The following SPOCK3 variants were observed in gnomAD, a reference collection of about 807,000 sequenced individuals.
SPOCK3 encodes the protein SPARC (osteonectin), cwcv and kazal like domains proteoglycan 3.
SPOCK3 carries 30 observed loss-of-function variants against 56.6 expected under a neutral mutation model. The observed-to-expected ratio is 0.53, with a 90% confidence interval of 0.40 to 0.72. The LOEUF is 0.72. Ranked by LOEUF, SPOCK3 falls within the 30% of genes least tolerant of loss-of-function variation. The probability of loss-of-function intolerance (pLI) is 0.00; values close to 1 mark genes in which losing one functional copy is unlikely to be tolerated. For synonymous variants in SPOCK3, 196 were observed against 183.3 expected, an observed-to-expected ratio of 1.07 and a Z score of -0.56; for missense variants, 527 against 530.0, an observed-to-expected ratio of 0.99 and a Z score of 0.06.
chr4:166,767,589 G>A (rs1436040501), intron 7 of SPOCK3, among the ~76,000 whole-genome samples: 1 of 152,218 alleles, frequency 6.6e-6, no homozygotes, highest in Non-Finnish European at 1.5e-5. Context: ...TACATTTGCT[G>A]AGGAGTGCTT....
At chr4:166,839,583 G>C (rs1207444620) in intron 6 of SPOCK3, among the ~76,000 whole-genome samples, 7 of 152,076 alleles carry the variant, frequency 4.6e-5, no homozygotes. Flanking sequence ...GAAGTTCCTG[G>C]TAAAGTCTGT....
intron 2 of SPOCK3, among the ~76,000 whole-genome samples, chr4:167,169,599 C>T (rs1730316612): frequency 6.6e-6 from 1 of 152,026 alleles, no homozygotes; most frequent in Non-Finnish European, 1.5e-5. Context: ...GGAAGGGACT[C>T]GCATTGTCTC....
At chr4:166,855,319 C>T (rs1345884042) in intron 6 of SPOCK3, among the ~76,000 whole-genome samples, 1 of 152,086 alleles carries the variant, frequency 6.6e-6, no homozygotes, top group African/African-American at 2.4e-5. Flanking sequence ...CTTAAGTTCA[C>T]AGCAACCTGT....
intron 7 of SPOCK3, among the ~76,000 whole-genome samples, chr4:166,789,546 G>T (rs778427784): frequency 6.6e-6 from 1 of 152,056 alleles, no homozygotes; most frequent in African/African-American, 2.4e-5. Context: ...ACACTTAAAT[G>T]AATATAATAA....
At chr4:166,987,790 A>G (rs1360937374) in intron 4 of SPOCK3, among the ~76,000 whole-genome samples, 1 of 152,214 alleles carries the variant, frequency 6.6e-6, no homozygotes, top group Non-Finnish European at 1.5e-5. Context: ...CAGAAGGACT[A>G]CATAACTTGT....
chr4:167,083,351 C>T, intron 2 of SPOCK3: 1 of 762,294 alleles, frequency 1.3e-6, no homozygotes. Context: ...TGCATTCTCT[C>T]TTGCTGCAGT....
At chr4:167,078,922 T>C (rs1757462144) in intron 2 of SPOCK3, among the ~76,000 whole-genome samples, 1 of 151,918 alleles carries the variant, frequency 6.6e-6, no homozygotes, top group Non-Finnish European at 1.5e-5. Flanking sequence ...AGAGTCTGAC[T>C]CTGGGGCTTT....
chr4:167,018,268 C>T (rs961970781), intron 3 of SPOCK3, among the ~76,000 whole-genome samples: 1 of 152,086 alleles, frequency 6.6e-6, no homozygotes, highest in Non-Finnish European at 1.5e-5. Flanking sequence ...ATTTCCTTTT[C>T]TCACATAAAA....
chr4:166,829,472 C>G (rs922846180), intron 6 of SPOCK3, among the ~76,000 whole-genome samples: 2 of 151,838 alleles, frequency 1.3e-5, no homozygotes, highest in Non-Finnish European at 2.9e-5. Context: ...TTTGATTTAC[C>G]ACTTTTTTAA....
chr4:166,989,130 C>T (rs1329729255), intron 4 of SPOCK3, among the ~76,000 whole-genome samples: 1 of 151,954 alleles, frequency 6.6e-6, no homozygotes, highest in African/African-American at 2.4e-5. Flanking sequence ...TGTCACTAAA[C>T]CAGTAGACCT....
intron 2 of SPOCK3, among the ~76,000 whole-genome samples, chr4:167,154,921 G>T (rs529985895): frequency 9.9e-5 from 15 of 152,120 alleles, no homozygotes; most frequent in Non-Finnish European, 1.8e-4. Flanking sequence ...TGCTTCCTTG[G>T]TGCTTGGTAA....
At chr4:167,164,617 G>A (rs1214820973) in intron 2 of SPOCK3, among the ~76,000 whole-genome samples, 3 of 151,540 alleles carry the variant, frequency 2.0e-5, no homozygotes, top group Non-Finnish European at 4.4e-5. Flanking sequence ...ACAGGCCCCG[G>A]TGTGTGATGT....
At chr4:166,754,090 T>C (rs1487178213) in intron 8 of SPOCK3, 2 of 964,538 alleles carry the variant, frequency 2.1e-6, no homozygotes, top group Admixed American at 6.2e-5. Flanking sequence ...CTCTGGTTCA[T>C]TCAACTCATT....
chr4:167,018,409 G>T (rs1167462867), intron 3 of SPOCK3, among the ~76,000 whole-genome samples: 1 of 151,996 alleles, frequency 6.6e-6, no homozygotes, highest in Non-Finnish European at 1.5e-5. Context: ...TGGAATTCTG[G>T]AGTGGGATGA....
chr4:166,932,934 T>C (rs1432223049), intron 4 of SPOCK3, among the ~76,000 whole-genome samples: 1 of 152,178 alleles, frequency 6.6e-6, no homozygotes, highest in African/African-American at 2.4e-5. Flanking sequence ...AGGTTGATTG[T>C]TGATATAATA....
intron 3 of SPOCK3, among the ~76,000 whole-genome samples, chr4:167,050,481 G>A (rs949409329): frequency 2.0e-5 from 3 of 152,080 alleles, no homozygotes; most frequent in Admixed American, 1.3e-4. Flanking sequence ...AGTTGCTGTC[G>A]AGAACAATAT....
chr4:166,828,605 A>G (rs913108741), intron 6 of SPOCK3, among the ~76,000 whole-genome samples: 2 of 152,026 alleles, frequency 1.3e-5, no homozygotes, highest in African/African-American at 4.8e-5. Flanking sequence ...GAGTTTAACC[A>G]TATTTCTAAG....
rs988769777 is a variant in SPOCK3 at position 167,035,414 on chromosome 4, GA to G, written c.235+27077del. Among the ~76,000 whole-genome samples the G allele has an allele frequency of 1.5e-3, 214 of 146,906 alleles. 1 individual carries two copies. The highest frequency in any genetic ancestry group is 4.7e-3 in the African/African-American group (188 of 40,052). On this transcript the variant is annotated intron_variant, in intron 3 of 10. Coordinates refer to ENST00000357545, the MANE Select transcript of SPOCK3 (RefSeq NM_001040159.2). ...CAGATAATGTAATGTAAGATGTGAT[GA>G]AAAAAAAAAGTATCCTAGGGTAGGA...
chr4:167,076,239 T>A (rs1246106189), intron 2 of SPOCK3, among the ~76,000 whole-genome samples: 1 of 151,908 alleles, frequency 6.6e-6, no homozygotes, highest in Non-Finnish European at 1.5e-5. Context: ...ATTATACTTT[T>A]GTCCAAACCA....
Sources: gnomAD v4.1 joint callset for allele counts (sites outside exome capture counted in the v4.1 genomes callset) on GRCh38, gnomAD v4.1.1 for gene constraint, MANE v1.5 for transcripts, NCBI Gene and HGNC (gene_info 2026-07-23, HGNC 2026-07-21) for gene names.